Variants in DENND4A observed in about 807,000 individuals in gnomAD.
DENND4A encodes C-myc promoter-binding protein.
In DENND4A, 70 loss-of-function variants were observed where a neutral mutation model predicts 199.3. The ratio of observed to expected loss-of-function variants is 0.35; its 90% CI spans 0.29 to 0.43. The LOEUF is 0.43. DENND4A is among the 20% of genes least tolerant of loss of function. DENND4A has a pLI of 1.00. For missense variants in DENND4A, 1,723 were observed against 2,255.8 expected (o/e 0.76, Z 4.78); for synonymous variants, 686 against 766.9 (o/e 0.89, Z 1.74).
At chr15:65,771,801 C>G in intron 1 of DENND4A, 10 of 1,613,606 alleles carry the variant, frequency 6.2e-6, no homozygotes, top group Non-Finnish European at 8.5e-6. Context: ...CTTCATTGCC[C>G]GTGAGGTCAT....
At chr15:65,777,093 G>A (rs997836386) in intron 1 of DENND4A, among the ~76,000 whole-genome samples, 2 of 152,118 alleles carry the variant, frequency 1.3e-5, no homozygotes, top group Non-Finnish European at 2.9e-5. Context: ...ACTTGAACCC[G>A]GGAAGCGGAG....
Position 65,661,721 on chromosome 15 carries a change from G to T in DENND4A, c.*130C>A. On this transcript the variant is annotated 3_prime_UTR_variant, in exon 33 of 33. Transcript: ENST00000443035. The stretch of plus-strand genomic sequence containing the variant: ...TCTTCAAACATTCTGTACATAAGCT[G>T]TCTGAGTCTTTTGAACCATTTACAA... 1.3e-6 allele frequency: 1 copy of T among 770,962 alleles called. No individual in the cohort carries two copies. Among genetic ancestry groups the T allele is most frequent in the Non-Finnish European group, 2.0e-6 (1 of 511,154 alleles). 47.8% of individuals were successfully genotyped at this position (770,962 alleles called of 1,614,324 possible).
At chr15:65,721,359 T>C (rs76322459) in intron 12 of DENND4A, among the ~76,000 whole-genome samples, 6,532 of 152,086 alleles carry the variant, frequency 0.043, 399 homozygotes, top group African/African-American at 0.14. Context: ...TTTTTATCCA[T>C]GTCTATTTCC....
intron 1 of DENND4A, 55 bp downstream of exon 1, chr15:65,791,955 G>C (rs1354674902): frequency 2.7e-5 from 4 of 149,154 alleles, no homozygotes; most frequent in African/African-American, 7.5e-5. Flanking sequence ...TCACCTCTCC[G>C]GGCCGTGACA....
intron 23 of DENND4A, among the ~76,000 whole-genome samples, chr15:65,683,450 T>C (rs1174520604): frequency 3.3e-5 from 5 of 152,196 alleles, no homozygotes; most frequent in African/African-American, 1.2e-4. Flanking sequence ...TTTTTTCTAG[T>C]TTCTTAAGGC....
intron 1 of DENND4A, among the ~76,000 whole-genome samples, chr15:65,778,649 A>G (rs1409184469): frequency 6.6e-6 from 1 of 152,158 alleles, no homozygotes; most frequent in Non-Finnish European, 1.5e-5. Flanking sequence ...CTGTAATCCC[A>G]GCACTTTGAG....
At chr15:65,738,006 T>C (rs2076161065) in intron 6 of DENND4A, 61 bp from the exon 7 acceptor site, 1 of 1,467,666 alleles carries the variant, frequency 6.8e-7, no homozygotes, top group Non-Finnish European at 9.1e-7. Context: ...AATCACATCA[T>C]CAGTTAAATA....
intron 11 of DENND4A, 159 bp downstream of exon 11, chr15:65,728,913 C>T (rs981748055): frequency 7.9e-5 from 58 of 730,858 alleles, no homozygotes; most frequent in Admixed American, 3.7e-4. Flanking sequence ...ACTCCATTGA[C>T]GCATAATAAG....
At chr15:65,721,273 A>C (rs755519604) in intron 12 of DENND4A, among the ~76,000 whole-genome samples, 10 of 151,900 alleles carry the variant, frequency 6.6e-5, no homozygotes, top group African/African-American at 1.2e-4. Context: ...GTTTTATGTA[A>C]TTTGTTTAAT....
chr15:65,671,839 A>C lies in DENND4A; in HGVS notation c.4417T>G (p.Ser1473Ala). Reference protein sequence around the residue: ...ALPGKSEVTSSFNASNTNIFQ... With the variant: ...ALPGKSEVTSAFNASNTNIFQ... Reference sequence around the variant, plus strand: ...ATATTTGTATTACTCGCGTTGAAGGAAGATGTCACTTCTGATTTCCCAGGT... The same window carrying C: ...ATATTTGTATTACTCGCGTTGAAGGCAGATGTCACTTCTGATTTCCCAGGT... Residue 1473 changes from serine (S) to alanine (A), a missense_variant, in exon 25 of 33, where the codon TCC (serine) becomes GCC (alanine). Physicochemically the swap from Ser to Ala is moderately conservative, Grantham distance 99. Around this residue, in one of 6 missense-constraint regions of DENND4A, gnomAD observed 650 missense variants for 738.1 expected, o/e 0.88. Coordinates refer to ENST00000443035, the MANE Select transcript of DENND4A (RefSeq NM_001320835.1). 6.2e-7 allele frequency: 1 copy of C among 1,613,200 alleles called. No individual in the cohort carries two copies. Among genetic ancestry groups the C allele is most frequent in the Middle Eastern group, 1.6e-4 (1 of 6,062 alleles).
intron 27 of DENND4A, among the ~76,000 whole-genome samples, chr15:65,669,160 C>T (rs2076140419): frequency 6.6e-6 from 1 of 152,128 alleles, no homozygotes; most frequent in Admixed American, 6.5e-5. Context: ...ATTAAGTAAT[C>T]AAGATCACAC....
chr15:65,684,609 C>G (rs984814468), intron 23 of DENND4A, among the ~76,000 whole-genome samples: 4 of 152,072 alleles, frequency 2.6e-5, no homozygotes, highest in Non-Finnish European at 4.4e-5. Flanking sequence ...GGATTCAAGT[C>G]CTTTACTAAA....
At chr15:65,712,001 G>A (rs1304843525) in intron 14 of DENND4A, among the ~76,000 whole-genome samples, 4 of 152,172 alleles carry the variant, frequency 2.6e-5, no homozygotes, top group African/African-American at 7.2e-5. Flanking sequence ...GCAAAACACT[G>A]CTACCATTTG....
At chr15:65,729,373 T>G (rs770668794) in intron 10 of DENND4A, 126 bp from the exon 11 acceptor site, 1 of 1,373,312 alleles carries the variant, frequency 7.3e-7, no homozygotes, top group African/African-American at 1.4e-5. Flanking sequence ...AATGAAATAA[T>G]TATAACTAGA....
At chr15:65,785,779 G>A (rs2077552060) in intron 1 of DENND4A, among the ~76,000 whole-genome samples, 1 of 152,000 alleles carries the variant, frequency 6.6e-6, no homozygotes, top group African/African-American at 2.4e-5. Context: ...AAGTACATTG[G>A]AAAGCTCACT....
chr15:65,727,033 A>G (rs1490963876), intron 11 of DENND4A, among the ~76,000 whole-genome samples: 2 of 151,982 alleles, frequency 1.3e-5, no homozygotes, highest in Non-Finnish European at 2.9e-5. Flanking sequence ...ATGGAGAAAA[A>G]CTGGGTGTGG....
At chr15:65,672,612 C>CAA (rs775360241) in intron 24 of DENND4A, among the ~76,000 whole-genome samples, 3 of 117,302 alleles carry the variant, frequency 2.6e-5, no homozygotes, top group Non-Finnish European at 3.7e-5. Context: ...ATCCTGACTC[C>CAA]AAAAAAAAAA....
chr15:65,751,910 T>C (rs1057318073), intron 4 of DENND4A, among the ~76,000 whole-genome samples: 4 of 151,922 alleles, frequency 2.6e-5, no homozygotes, highest in Non-Finnish European at 5.9e-5. Context: ...AATGAGGCAA[T>C]GAAAGCAGAG....
rs71139429 is a variant in DENND4A at position 65,736,430 on chromosome 15, A to ATT, written c.1040+1275_1040+1276dup. ...GCCCACAACCACAGCTGGCTTTTGT[A>ATT]TTTTTTTTTTTTTTTAGTAGAGACA... On this transcript the variant is annotated intron_variant, in intron 7 of 32. Transcript: ENST00000443035. Among the ~76,000 whole-genome samples, 138 of 138,014 alleles carry ATT rather than the reference A, an allele frequency of 1.0e-3. 1 individual carries two copies. Among genetic ancestry groups the ATT allele is most frequent in the Middle Eastern group, 3.8e-3 (1 of 266 alleles). The allele number at this position is 138,014 out of a possible 152,430, so 90.5% of individuals were successfully genotyped here. A position where few individuals can be genotyped will look rare whatever the true frequency, so the allele number is the denominator to read the frequency against.
Sources: gnomAD v4.1 joint callset for allele counts (sites outside exome capture counted in the v4.1 genomes callset) on GRCh38, gnomAD v4.1.1 for gene constraint, gnomAD v4.1.1 regional missense constraint, MANE v1.5 for transcripts, NCBI Gene and HGNC (gene_info 2026-07-23, HGNC 2026-07-21) for gene names.